The following KYNU variants were observed in gnomAD, a reference collection of about 807,000 sequenced individuals.
KYNU encodes the protein kynureninase.
KYNU carries 54 observed loss-of-function variants against 59.2 expected under a neutral mutation model. The ratio of observed to expected loss-of-function variants is 0.91; its 90% CI spans 0.73 to 1.14. The LOEUF is 1.14. Among genes scored for constraint, KYNU ranks in the 50% most tolerant of loss-of-function variants. The pLI, the probability that KYNU is intolerant of heterozygous loss-of-function variation, is 0.00. For synonymous variants in KYNU, 177 were observed against 192.0 expected (o/e 0.92, Z 0.65); for missense variants, 567 against 554.4 (o/e 1.02, Z -0.23).
At chr2:142,912,645 C>A (rs1682522822) in intron 2 of KYNU, among the ~76,000 whole-genome samples, 1 of 149,198 alleles carries the variant, frequency 6.7e-6, no homozygotes, top group African/African-American at 2.5e-5. Flanking sequence ...TCCCAAAGTG[C>A]TGGGATTACA....
intron 6 of KYNU, 43 bp from the exon 7 acceptor site, chr2:142,957,598 G>T (rs2105090929): frequency 8.8e-7 from 1 of 1,139,758 alleles, no homozygotes; most frequent in East Asian, 2.4e-5. Flanking sequence ...GTACTTCTGT[G>T]CTCTCAGCTT....
At chr2:143,021,204 G>A (rs1349977140) in intron 10 of KYNU, among the ~76,000 whole-genome samples, 1 of 151,878 alleles carries the variant, frequency 6.6e-6, no homozygotes, top group Non-Finnish European at 1.5e-5. Flanking sequence ...GAGCTGCAGA[G>A]GATTTTTAAA....
intron 4 of KYNU, among the ~76,000 whole-genome samples, chr2:142,952,808 A>G (rs1357017530): frequency 6.6e-6 from 1 of 152,022 alleles, no homozygotes; most frequent in African/African-American, 2.4e-5. Flanking sequence ...TTTATTTGTG[A>G]TAATTATTTT....
At chr2:142,937,806 A>G (rs1216211234) in intron 4 of KYNU, among the ~76,000 whole-genome samples, 8 of 152,232 alleles carry the variant, frequency 5.3e-5, no homozygotes, top group Admixed American at 2.0e-4. Flanking sequence ...TTTAGGTAAC[A>G]GTTCATGATT....
chr2:142,978,531 C>T (rs1684954084), intron 8 of KYNU, among the ~76,000 whole-genome samples: 1 of 152,116 alleles, frequency 6.6e-6, no homozygotes, highest in African/African-American at 2.4e-5. Context: ...TGGAATTCAC[C>T]TACCATAATG....
In KYNU at chr2:142,902,491, T is replaced by C. The variant is rs140571777; in HGVS notation, c.170-16118T>C. Among the ~76,000 whole-genome samples the C allele has an allele frequency of 1.2e-4, 18 of 152,334 alleles. 1 individual carries two copies. The East Asian group carries it at 3.5e-3, about 29-fold the overall frequency. On this transcript the variant is annotated intron_variant, in intron 2 of 13. Transcript: ENST00000264170. Reference sequence around the variant, plus strand: ...CTATTTTGCCGTACCTGGGAATCCATATTTGGCAGAAGCCTGTTATGCCAA... The same window carrying C: ...CTATTTTGCCGTACCTGGGAATCCACATTTGGCAGAAGCCTGTTATGCCAA...
chr2:142,961,009 A>G (rs547290196), intron 8 of KYNU, among the ~76,000 whole-genome samples: 1 of 152,196 alleles, frequency 6.6e-6, no homozygotes, highest in Admixed American at 6.5e-5. Context: ...CCTGACAAAA[A>G]TGGCGAAACC....
At chr2:142,947,229 A>C (rs1185228639) in intron 4 of KYNU, 1 of 1,549,968 alleles carries the variant, frequency 6.5e-7, no homozygotes, top group South Asian at 1.2e-5. Context: ...GGAGTTCTCT[A>C]AACTGAAACC....
chr2:143,021,920 T>C (rs1023648214), intron 10 of KYNU, among the ~76,000 whole-genome samples: 14 of 152,220 alleles, frequency 9.2e-5, no homozygotes, highest in Admixed American at 2.0e-4. Context: ...TGTTCAGGAA[T>C]GCAGGTCTTG....
chr2:142,905,963 C>A (rs920148366), intron 2 of KYNU, among the ~76,000 whole-genome samples: 1 of 151,546 alleles, frequency 6.6e-6, no homozygotes. Context: ...TTCTTTACTA[C>A]TTCTATCTTT....
chr2:142,978,337 A>G (rs1684948689), intron 8 of KYNU, among the ~76,000 whole-genome samples: 1 of 152,120 alleles, frequency 6.6e-6, no homozygotes, highest in African/African-American at 2.4e-5. Flanking sequence ...AATTTATAGC[A>G]CTGTAGTTCT....
intron 4 of KYNU, among the ~76,000 whole-genome samples, chr2:142,936,378 G>C (rs1683391006): frequency 6.6e-6 from 1 of 152,166 alleles, no homozygotes; most frequent in Non-Finnish European, 1.5e-5. Context: ...ACTTAGGGTG[G>C]ATATCTTGTC....
chr2:142,878,419 A>G (rs1436999959), intron 1 of KYNU, among the ~76,000 whole-genome samples: 2 of 152,144 alleles, frequency 1.3e-5, no homozygotes, highest in Non-Finnish European at 2.9e-5. Context: ...AATGTTACCC[A>G]TTTCTCAATG....
Position 143,053,285 on chromosome 2 carries a change from T to TA in KYNU, c.*11114dup, listed in dbSNP as rs1342918259. The TA allele has an allele frequency of 1.3e-5, 2 of 152,232 alleles. No individual in the cohort carries two copies. Among genetic ancestry groups the TA allele is most frequent in the African/African-American group, 4.8e-5 (2 of 41,438 alleles). 9.4% of individuals were successfully genotyped at this position (152,232 alleles called of 1,614,324 possible). On this transcript the variant is annotated 3_prime_UTR_variant, in exon 14 of 14. Transcript: ENST00000264170. ...GGCTCCAGGGAGAACTCTGTTTTCTTACCTTTTCTGGATTCTAGAGGCTTC... is the reference window on the plus strand; with the variant it reads ...GGCTCCAGGGAGAACTCTGTTTTCTTAACCTTTTCTGGATTCTAGAGGCTTC...
chr2:142,885,554 G>T lies in KYNU; in HGVS notation c.169+18G>T, dbSNP rs758386358. 2 of 1,601,776 alleles carry T rather than the reference G, an allele frequency of 1.2e-6. No homozygotes were observed. The highest frequency in any genetic ancestry group is 1.7e-6 in the Non-Finnish European group (2 of 1,172,570). On this transcript the variant is annotated intron_variant, in intron 2 of 13. Coordinates refer to ENST00000264170, the MANE Select transcript of KYNU (RefSeq NM_003937.3). ...GCCTCCAGGTAAGAATGCTGGGAAGGTTTTTAAATTTTATTTATTTATTTA... is the reference window on the plus strand; with the variant it reads ...GCCTCCAGGTAAGAATGCTGGGAAGTTTTTTAAATTTTATTTATTTATTTA...
At chr2:142,933,599 A>G (rs1558929614) in intron 4 of KYNU, among the ~76,000 whole-genome samples, 4 of 152,162 alleles carry the variant, frequency 2.6e-5, no homozygotes, top group Non-Finnish European at 5.9e-5. Flanking sequence ...CTAGCCCTAG[A>G]TAGGTGACTA....
chr2:142,944,374 A>AATATG (rs1484867711), intron 4 of KYNU, among the ~76,000 whole-genome samples: 1 of 152,180 alleles, frequency 6.6e-6, no homozygotes, highest in Non-Finnish European at 1.5e-5. Context: ...GTAAAGCAAA[A>AATATG]ATATGATGTT....
chr2:143,020,195 C>G (rs557992064), intron 10 of KYNU, among the ~76,000 whole-genome samples: 1 of 151,990 alleles, frequency 6.6e-6, no homozygotes, highest in South Asian at 2.1e-4. Flanking sequence ...TTTTCTAGTT[C>G]CTTGAGGTGC....
At chr2:142,967,816 A>G (rs561667233) in intron 8 of KYNU, among the ~76,000 whole-genome samples, 1 of 152,300 alleles carries the variant, frequency 6.6e-6, no homozygotes, top group Admixed American at 6.5e-5. Context: ...ATATTATAAT[A>G]GAATAATATC....
Sources: gnomAD v4.1 joint callset for allele counts (sites outside exome capture counted in the v4.1 genomes callset) on GRCh38, gnomAD v4.1.1 for gene constraint, MANE v1.5 for transcripts, NCBI Gene and HGNC (gene_info 2026-07-23, HGNC 2026-07-21) for gene names.